The following STXBP5 variants were observed in gnomAD, a reference collection of about 807,000 sequenced individuals.
STXBP5 encodes syntaxin-binding protein 5.
A neutral mutation model predicts 152.4 loss-of-function variants in STXBP5; 50 were observed. The observed-to-expected ratio is 0.33, with a 90% confidence interval of 0.26 to 0.42. STXBP5 has a LOEUF of 0.42. Ranked by LOEUF, STXBP5 falls within the 10% of genes least tolerant of loss-of-function variation. The probability of loss-of-function intolerance (pLI) is 1.00; values close to 1 mark genes in which losing one functional copy is unlikely to be tolerated. For missense variants in STXBP5, 1,167 were observed against 1,388.6 expected, an observed-to-expected ratio of 0.84 and a Z score of 2.54; for synonymous variants, 492 against 494.7, an observed-to-expected ratio of 0.99 and a Z score of 0.07.
At chr6:147,283,608 C>T (rs1780804049) in intron 8 of STXBP5, among the ~76,000 whole-genome samples, 1 of 152,150 alleles carries the variant, frequency 6.6e-6, no homozygotes, top group Admixed American at 6.5e-5. Context: ...GATCTGGCTT[C>T]TGAAGAGCTC....
chr6:147,346,209 G>A (rs1003612220), intron 21 of STXBP5, among the ~76,000 whole-genome samples: 1 of 152,154 alleles, frequency 6.6e-6, no homozygotes, highest in Non-Finnish European at 1.5e-5. Context: ...GGGTAAATGA[G>A]TTTCGTAAGT....
intron 21 of STXBP5, among the ~76,000 whole-genome samples, chr6:147,347,473 G>C (rs1162219143): frequency 6.6e-6 from 1 of 152,158 alleles, no homozygotes; most frequent in African/African-American, 2.4e-5. Context: ...GACTGATGTT[G>C]ATCTTTAAAT....
At chr6:147,351,853 T>G in intron 21 of STXBP5, 1 of 985,438 alleles carries the variant, frequency 1.0e-6, no homozygotes, top group Non-Finnish European at 1.2e-6. Context: ...CATGTATGAC[T>G]GGATTTCTCT....
chr6:147,290,962 C>A, intron 8 of STXBP5, 132 bp from the exon 9 acceptor site: 1 of 592,258 alleles, frequency 1.7e-6, no homozygotes, highest in Non-Finnish European at 2.8e-6. Context: ...GTATTAAATG[C>A]CTCTTTCAGA....
intron 2 of STXBP5, among the ~76,000 whole-genome samples, chr6:147,222,455 CT>C (rs1188685502): frequency 2.0e-5 from 3 of 152,096 alleles, no homozygotes; most frequent in Non-Finnish European, 2.9e-5. Flanking sequence ...GGACTGTGAA[CT>C]TCAGGAGTGC....
chr6:147,292,842 G>C (rs1029037413), intron 9 of STXBP5: 2 of 152,214 alleles, frequency 1.3e-5, no homozygotes, highest in African/African-American at 4.8e-5. Context: ...ATATTTATGA[G>C]TTCAGGTTTC....
Position 147,388,218 on chromosome 6 carries a change from G to C in STXBP5, c.*3463G>C, listed in dbSNP as rs1309508946. 6.6e-6 allele frequency: 1 copy of C among 151,638 alleles called. No homozygotes were observed. The highest frequency in any genetic ancestry group is 1.5e-5 in the Non-Finnish European group (1 of 67,716). 9.4% of individuals were successfully genotyped at this position (151,638 alleles called of 1,614,324 possible). On this transcript the variant is annotated 3_prime_UTR_variant, in exon 28 of 28. Transcript: ENST00000321680. ...TCAGTTTAAACCAAGTGATACATGT[G>C]TATAAAACATACCAAAATCATGAAT...
chr6:147,276,405 T>G (rs1418671530), intron 7 of STXBP5, among the ~76,000 whole-genome samples: 1 of 152,106 alleles, frequency 6.6e-6, no homozygotes, highest in African/African-American at 2.4e-5. Context: ...GTTTTTGGAA[T>G]GCCTAATAAT....
At chr6:147,371,962 T>C (rs1785561010) in intron 25 of STXBP5, among the ~76,000 whole-genome samples, 1 of 152,196 alleles carries the variant, frequency 6.6e-6, no homozygotes, top group African/African-American at 2.4e-5. Flanking sequence ...ATACTGTTTT[T>C]AAAAGATTTA....
intron 21 of STXBP5, among the ~76,000 whole-genome samples, chr6:147,344,098 A>AGAAT (rs1784209990): frequency 6.6e-6 from 1 of 152,186 alleles, no homozygotes; most frequent in Non-Finnish European, 1.5e-5. Context: ...TTTCTTTTTT[A>AGAAT]GAATGAATAA....
Position 147,381,493 on chromosome 6 carries a change from C to T in STXBP5, c.3194-1285C>T, listed in dbSNP as rs141662472. Among the ~76,000 whole-genome samples, 199 of 152,196 alleles carry T rather than the reference C, an allele frequency of 1.3e-3. 1 individual carries two copies. The highest frequency in any genetic ancestry group is 2.4e-3 in the Non-Finnish European group (165 of 68,010). ...ACTGATGGTTCCTCAAAAAATTAAA[C>T]ATACAGTTATCACATCACCCAGCTA... On this transcript the variant is annotated intron_variant, in intron 26 of 27. Transcript: ENST00000321680.
intron 25 of STXBP5, among the ~76,000 whole-genome samples, chr6:147,367,629 T>G (rs4896908): frequency 3.3e-5 from 5 of 151,768 alleles, no homozygotes; most frequent in African/African-American, 1.2e-4. Context: ...CAAAGCGAGA[T>G]TCTGTCTCAA....
At position 147,256,088 on chromosome 6, in the gene STXBP5, G is replaced by A. The variant is rs1006161586; in HGVS notation, c.432-4527G>A. Among the ~76,000 whole-genome samples the A allele has an allele frequency of 3.3e-5, 5 of 152,164 alleles. No individual in the cohort carries two copies. The South Asian group carries it at 6.2e-4, about 19-fold the overall frequency. The stretch of plus-strand genomic sequence containing the variant: ...GTACAGACTTACTGAGTTTTAGAAC[G>A]TATTGCCATAGCTTCAATGCAGGGA... On this transcript the variant is annotated intron_variant, in intron 4 of 27. Coordinates refer to ENST00000321680, the MANE Select transcript of STXBP5 (RefSeq NM_001127715.4).
chr6:147,216,403 A>G (rs1326423730), intron 2 of STXBP5, among the ~76,000 whole-genome samples: 1 of 152,186 alleles, frequency 6.6e-6, no homozygotes, highest in Non-Finnish European at 1.5e-5. Flanking sequence ...AAAACAAAAA[A>G]CAAAACAAAA....
chr6:147,352,881 T>G (rs1784652484), intron 21 of STXBP5, among the ~76,000 whole-genome samples: 1 of 151,916 alleles, frequency 6.6e-6, no homozygotes. Flanking sequence ...TTTTAAAAAG[T>G]TGGCCAGGCA....
At chr6:147,248,917 A>T (rs1428630997) in intron 4 of STXBP5, among the ~76,000 whole-genome samples, 1 of 152,070 alleles carries the variant, frequency 6.6e-6, no homozygotes, top group Non-Finnish European at 1.5e-5. Flanking sequence ...AGTGGACAGG[A>T]GATTGTTTCT....
At position 147,333,438 on chromosome 6, in the gene STXBP5, C is replaced by T. The variant is rs147074282; in HGVS notation, c.2081-719C>T. 1.8e-3 allele frequency among the ~76,000 whole-genome samples: 277 copies of T among 152,212 alleles called. 1 individual carries two copies. The highest frequency in any genetic ancestry group is 6.0e-3 in the African/African-American group (249 of 41,554). ...ACTTGGGAGGCCGAGGCAGGAGAAT[C>T]GCTTGAACCCAGGATGCGCAGGTTG... On this transcript the variant is annotated intron_variant, in intron 18 of 27. Transcript: ENST00000321680.
chr6:147,294,493 T>C (rs963993886), intron 9 of STXBP5, among the ~76,000 whole-genome samples: 2 of 152,238 alleles, frequency 1.3e-5, no homozygotes, highest in Admixed American at 1.3e-4. Flanking sequence ...TCTCAGATGT[T>C]TGATTACCTC....
At chr6:147,329,462 C>T (rs1302942049) in intron 18 of STXBP5, among the ~76,000 whole-genome samples, 1 of 149,950 alleles carries the variant, frequency 6.7e-6, no homozygotes, top group African/African-American at 2.4e-5. Context: ...GACTCTGATC[C>T]CCCCAAATTT....
Sources: allele counts gnomAD v4.1 joint callset (sites outside exome capture counted in the v4.1 genomes callset), GRCh38; gene constraint gnomAD v4.1.1; transcripts MANE v1.5; gene names NCBI Gene and HGNC (gene_info 2026-07-23, HGNC 2026-07-21).